Variants in UBAP1 observed in about 807,000 individuals in gnomAD.
UBAP1 encodes ubiquitin-associated protein 1.
UBAP1 carries 5 observed loss-of-function variants against 39.0 expected under a neutral mutation model. That is an observed-to-expected ratio of 0.13 (90% CI 0.07 to 0.27). The LOEUF (loss-of-function observed/expected upper bound fraction) is 0.27. Among genes scored for constraint, UBAP1 ranks in the 10% least tolerant of loss-of-function variants. UBAP1 has a pLI of 1.00. For missense variants in UBAP1, 490 were observed against 608.1 expected (o/e 0.81, Z 2.04); for synonymous variants, 211 against 225.1 (o/e 0.94, Z 0.56).
At chr9:34,204,777 G>T (rs912341638) in intron 1 of UBAP1, among the ~76,000 whole-genome samples, 5 of 151,964 alleles carry the variant, frequency 3.3e-5, no homozygotes, top group Non-Finnish European at 7.4e-5. Context: ...TATGAATTGT[G>T]ATATGATTTT....
intron 2 of UBAP1, 75 bp from the exon 3 acceptor site, chr9:34,234,141 C>T (rs1833565038): frequency 3.4e-6 from 5 of 1,457,054 alleles, no homozygotes; most frequent in South Asian, 1.4e-5. Flanking sequence ...AATGCATATC[C>T]GTTAGACATA....
intron 1 of UBAP1, among the ~76,000 whole-genome samples, chr9:34,204,273 A>T (rs913455254): frequency 1.3e-5 from 2 of 152,260 alleles, no homozygotes; most frequent in Non-Finnish European, 2.9e-5. Context: ...CAGACGACAG[A>T]GCAAGACTCT....
At chr9:34,199,894 C>T (rs1299325643) in intron 1 of UBAP1, among the ~76,000 whole-genome samples, 4 of 150,980 alleles carry the variant, frequency 2.6e-5, no homozygotes, top group Non-Finnish European at 4.4e-5. Context: ...GATCCTTCTG[C>T]CTCGGCCTTG....
intron 4 of UBAP1, among the ~76,000 whole-genome samples, chr9:34,248,448 T>C (rs1041770361): frequency 3.3e-5 from 5 of 152,222 alleles, no homozygotes; most frequent in Non-Finnish European, 7.3e-5. Context: ...TAGTCCTGAC[T>C]CCTTCCTGGC....
At position 34,181,116 on chromosome 9, in the gene UBAP1, C is replaced by CTTT. The variant is rs67856544; in HGVS notation, c.-8+1891_-8+1893dup. ...TGAGCCACCGCACCCGGCCTGTTTT[C>CTTT]TTTTTTTTTTTTTTTTTGAGACAGA... is the stretch of plus-strand genomic sequence containing the variant. On this transcript the variant is annotated intron_variant, in intron 1 of 6. Transcript: ENST00000297661. 4.2e-5 allele frequency among the ~76,000 whole-genome samples: 3 copies of CTTT among 72,238 alleles called. 1 individual carries two copies. Among genetic ancestry groups the CTTT allele is most frequent in the African/African-American group, 5.3e-5 (1 of 18,942 alleles). The allele number at this position is 72,238 out of a possible 152,430, so 47.4% of individuals were successfully genotyped here. A position where few individuals can be genotyped will look rare whatever the true frequency, so the allele number is the denominator to read the frequency against.
chr9:34,246,881 C>A (rs915771548), intron 4 of UBAP1, among the ~76,000 whole-genome samples: 2 of 152,180 alleles, frequency 1.3e-5, no homozygotes, highest in African/African-American at 2.4e-5. Context: ...GGAAAGATTT[C>A]ATAATAATTC....
chr9:34,180,410 A>T (rs1829951551), intron 1 of UBAP1, among the ~76,000 whole-genome samples: 1 of 151,930 alleles, frequency 6.6e-6, no homozygotes, highest in Non-Finnish European at 1.5e-5. Context: ...CGGGTGGCCG[A>T]GGCAGGAGAA....
At chr9:34,194,726 T>C (rs954196628) in intron 1 of UBAP1, among the ~76,000 whole-genome samples, 2 of 152,244 alleles carry the variant, frequency 1.3e-5, no homozygotes, top group Admixed American at 1.3e-4. Flanking sequence ...TTCAGATTGT[T>C]CTAAGCACTT....
intron 2 of UBAP1, chr9:34,224,594 C>T (rs528924491): frequency 9.7e-6 from 4 of 411,692 alleles, no homozygotes; most frequent in Non-Finnish European, 1.3e-5. Context: ...CCCGGTCTTG[C>T]GGTGCTTGTG....
chr9:34,184,926 CTTTTTTTTTTTT>C (rs35634769), intron 1 of UBAP1, among the ~76,000 whole-genome samples: 135 of 105,116 alleles, frequency 1.3e-3, no homozygotes, highest in African/African-American at 5.0e-3. Context: ...CCAGCCAATC[CTTTTTTTTTTTT>C]TTTTTTTTTT....
chr9:34,212,392 A>AACACACACACACACACACACACACAC (rs35251034), intron 1 of UBAP1, among the ~76,000 whole-genome samples: 1 of 142,170 alleles, frequency 7.0e-6, no homozygotes, highest in East Asian at 2.1e-4. Context: ...TTTCTATTAA[A>AACACACACACACACACACACACACAC]ACACACACAC....
At chr9:34,247,719 G>A (rs960233461) in intron 4 of UBAP1, among the ~76,000 whole-genome samples, 7 of 152,044 alleles carry the variant, frequency 4.6e-5, no homozygotes, top group African/African-American at 1.4e-4. Context: ...CACCTCACCC[G>A]CTGTTTTTTC....
At chr9:34,234,546 C>T (rs904444062) in intron 3 of UBAP1, among the ~76,000 whole-genome samples, 1 of 151,900 alleles carries the variant, frequency 6.6e-6, no homozygotes, top group African/African-American at 2.4e-5. Flanking sequence ...TGTGGGTGGC[C>T]AAGGTGGGAG....
chr9:34,242,597 T>A (rs1334262056), intron 4 of UBAP1, among the ~76,000 whole-genome samples: 1 of 152,184 alleles, frequency 6.6e-6, no homozygotes, highest in Non-Finnish European at 1.5e-5. Context: ...TGGCACCATC[T>A]CGGCTCACTG....
At chr9:34,196,739 C>CTAG (rs1251580250) in intron 1 of UBAP1, among the ~76,000 whole-genome samples, 1 of 152,068 alleles carries the variant, frequency 6.6e-6, no homozygotes, top group Non-Finnish European at 1.5e-5. Flanking sequence ...GCCACCATGC[C>CTAG]TAGCTTCACT....
chr9:34,212,963 C>T (rs1248877093), intron 1 of UBAP1, among the ~76,000 whole-genome samples: 1 of 152,172 alleles, frequency 6.6e-6, no homozygotes, highest in Non-Finnish European at 1.5e-5. Context: ...AAAATACTAG[C>T]TAACCAAATC....
At chr9:34,182,675 CTTTCTTTCTCTCTCTCTTTCTTT>C (rs1830144446) in intron 1 of UBAP1, among the ~76,000 whole-genome samples, 2 of 71,716 alleles carry the variant, frequency 2.8e-5, no homozygotes, top group African/African-American at 4.3e-5. Flanking sequence ...TTCTTTCTTT[CTTTCTTTCTCTCTCTCTTTCTTT>C]TCTTTTCTTT....
chr9:34,249,665 G>A lies in UBAP1; in HGVS notation c.1084-114G>A, dbSNP rs528491405. ...CCTGGCGATTTCTTCCAACCTGACC[G>A]CTTTTCTTGGGGCTTGAATAGTGTC... On this transcript the variant is annotated intron_variant, in intron 4 of 6. Transcript: ENST00000297661. 45 of 1,007,810 alleles carry A rather than the reference G, an allele frequency of 4.5e-5. 2 individuals carry two copies. The highest frequency in any genetic ancestry group is 4.0e-4 in the African/African-American group (25 of 62,080). 62.4% of individuals were successfully genotyped at this position (1,007,810 alleles called of 1,614,324 possible). A position where few individuals can be genotyped will look rare whatever the true frequency, so the allele number is the denominator to read the frequency against.
chr9:34,180,472 C>CT (rs1287200670), intron 1 of UBAP1, among the ~76,000 whole-genome samples: 2 of 150,828 alleles, frequency 1.3e-5, no homozygotes, highest in African/African-American at 4.9e-5. Context: ...CGCTGCATTG[C>CT]ACTCCAGCCT....
Sources: allele counts gnomAD v4.1 joint callset (sites outside exome capture counted in the v4.1 genomes callset), GRCh38; gene constraint gnomAD v4.1.1; transcripts MANE v1.5; gene names NCBI Gene and HGNC (gene_info 2026-07-23, HGNC 2026-07-21).